The following PTER variants were observed in gnomAD, a reference collection of about 807,000 sequenced individuals.
PTER encodes phosphotriesterase related.
A neutral mutation model predicts 29.6 loss-of-function variants in PTER; 38 were observed. That is an observed-to-expected ratio of 1.28 (90% confidence interval 0.99 to 1.68). The LOEUF (loss-of-function observed/expected upper bound fraction) is 1.68. Among genes scored for constraint, PTER ranks in the 40% most tolerant of loss-of-function variants. PTER has a pLI of 0.00. For missense variants in PTER, 482 were observed against 427.8 expected (o/e 1.13, Z -1.12); for synonymous variants, 172 against 154.5 (o/e 1.11, Z -0.84).
At chr10:16,509,846 G>T (rs947495221) in intron 4 of PTER, among the ~76,000 whole-genome samples, 1 of 152,114 alleles carries the variant, frequency 6.6e-6, no homozygotes. Flanking sequence ...CCTTTGACCT[G>T]CAGATACAAA....
chr10:16,497,276 A>G (rs1836148814), intron 3 of PTER, among the ~76,000 whole-genome samples: 1 of 152,190 alleles, frequency 6.6e-6, no homozygotes, highest in Admixed American at 6.5e-5. Context: ...ATTTGTCTAA[A>G]TGGTGTCCTT....
At chr10:16,439,349 GA>G (rs1222900950) in intron 1 of PTER, among the ~76,000 whole-genome samples, 4 of 151,824 alleles carry the variant, frequency 2.6e-5, no homozygotes, top group East Asian at 3.9e-4. Flanking sequence ...AAGCATTTCT[GA>G]AAAAAAATGC....
At position 16,508,524 on chromosome 10, in the gene PTER, C is replaced by T. The variant is rs367647045; in HGVS notation, c.840-2522C>T. On this transcript the variant is annotated intron_variant, in intron 4 of 4. Transcript: ENST00000535784. ...CTTCTAGAACAAGAGAAAGAAGATC[C>T]GTAAAGGGGCATCTGTGAAGGAGAT... 8.5e-5 allele frequency among the ~76,000 whole-genome samples: 13 copies of T among 152,100 alleles called. No individual in the cohort carries two copies. The South Asian group carries it at 2.3e-3, about 27-fold the overall frequency.
intron 1 of PTER, among the ~76,000 whole-genome samples, chr10:16,467,477 A>C (rs1205032915): frequency 1.3e-5 from 2 of 152,206 alleles, no homozygotes; most frequent in African/African-American, 4.8e-5. Flanking sequence ...TAAAAAGGCT[A>C]TGTATTCCTA....
chr10:16,453,377 T>C (rs1429353669), intron 1 of PTER, among the ~76,000 whole-genome samples: 4 of 152,180 alleles, frequency 2.6e-5, no homozygotes, highest in Non-Finnish European at 4.4e-5. Flanking sequence ...TATACATATA[T>C]ATAATACATA....
chr10:16,503,452 T>G (rs776512701), intron 3 of PTER, among the ~76,000 whole-genome samples: 1 of 152,148 alleles, frequency 6.6e-6, no homozygotes, highest in East Asian at 1.9e-4. Flanking sequence ...TTGCCCAGGC[T>G]GGAGTGCAAT....
chr10:16,475,028 A>G (rs1835208584), intron 1 of PTER, among the ~76,000 whole-genome samples: 1 of 152,104 alleles, frequency 6.6e-6, no homozygotes, highest in Non-Finnish European at 1.5e-5. Context: ...CACATGGTGG[A>G]AGGAAGGAGG....
intron 4 of PTER, among the ~76,000 whole-genome samples, chr10:16,509,846 G>A (rs947495221): frequency 1.3e-5 from 2 of 152,114 alleles, no homozygotes; most frequent in African/African-American, 4.8e-5. Flanking sequence ...CCTTTGACCT[G>A]CAGATACAAA....
chr10:16,489,159 C>G (rs1396041758), intron 3 of PTER, among the ~76,000 whole-genome samples: 1 of 152,166 alleles, frequency 6.6e-6, no homozygotes, highest in Non-Finnish European at 1.5e-5. Flanking sequence ...GTTTGATCTT[C>G]CTATTTACTA....
At chr10:16,480,027 C>T (rs924294882) in intron 1 of PTER, among the ~76,000 whole-genome samples, 5 of 134,034 alleles carry the variant, frequency 3.7e-5, no homozygotes, top group Admixed American at 7.3e-5. Context: ...AATGTAATCA[C>T]GGTCATGGCA....
Position 16,511,334 on chromosome 10 carries a change from A to G in PTER, c.*78A>G. On this transcript the variant is annotated 3_prime_UTR_variant, in exon 5 of 5. Coordinates refer to ENST00000535784, the MANE Select transcript of PTER (RefSeq NM_001261836.2). ...AGCGATTTCCAGTCCACTGTGAGAT[A>G]TTAATCAGTTACCTAGGACTAATGA... The G allele has an allele frequency of 5.4e-6, 7 of 1,299,450 alleles. No individual in the cohort carries two copies. Among genetic ancestry groups the G allele is most frequent in the Non-Finnish European group, 7.7e-6 (7 of 904,610 alleles). The allele number at this position is 1,299,450 out of a possible 1,614,324, so 80.5% of individuals were successfully genotyped here. A position where few individuals can be genotyped will look rare whatever the true frequency, so the allele number is the denominator to read the frequency against.
At chr10:16,496,209 T>A (rs1428746983) in intron 3 of PTER, among the ~76,000 whole-genome samples, 1 of 152,216 alleles carries the variant, frequency 6.6e-6, no homozygotes, top group Non-Finnish European at 1.5e-5. Context: ...CTCCCTTAGT[T>A]TTGGTCCCAG....
At chr10:16,455,056 C>A (rs572248739) in intron 1 of PTER, among the ~76,000 whole-genome samples, 2 of 150,562 alleles carry the variant, frequency 1.3e-5, no homozygotes, top group Non-Finnish European at 3.0e-5. Context: ...TGGTGAAACC[C>A]TGTCTCTACA....
At chr10:16,509,512 T>C (rs1836728334) in intron 4 of PTER, among the ~76,000 whole-genome samples, 2 of 152,180 alleles carry the variant, frequency 1.3e-5, no homozygotes, top group Non-Finnish European at 2.9e-5. Context: ...TAGGCAAAAA[T>C]TTTGGAAAAT....
Position 16,486,421 on chromosome 10 carries a change from G to T in PTER, c.502G>T (p.Gly168Ter). 1 of 1,613,928 alleles carries T rather than the reference G, an allele frequency of 6.2e-7. No homozygotes were observed. The highest frequency in any genetic ancestry group is 8.5e-7 in the Non-Finnish European group (1 of 1,179,938). Residue 168 changes from glycine (G) to a stop codon, truncating the protein, a stop_gained, in exon 3 of 5, where the codon GGA becomes TGA. Coordinates refer to ENST00000535784, the MANE Select transcript of PTER (RefSeq NM_001261836.2). LOFTEE classifies it high-confidence loss of function. ...AACCAGTATCAAGTGTGGCATTATT[G>T]GAGAAATTGGTTGCTCCTGGCCTTT... is the stretch of plus-strand genomic sequence containing the variant. Reference protein sequence around the residue: ...DGTSIKCGIIGEIGCSWPLTE... With the variant: ...DGTSIKCGII
intron 1 of PTER, among the ~76,000 whole-genome samples, chr10:16,466,125 C>T (rs989071216): frequency 1.1e-4 from 16 of 151,980 alleles, no homozygotes; most frequent in South Asian, 2.1e-4. Context: ...AGTTAGTTAT[C>T]AAAACAAAAT....
intron 1 of PTER, among the ~76,000 whole-genome samples, chr10:16,437,831 T>A (rs1457049265): frequency 6.6e-6 from 1 of 152,114 alleles, no homozygotes; most frequent in African/African-American, 2.4e-5. Context: ...CCACAGCCAG[T>A]GTGCTGTTAC....
At chr10:16,458,565 G>A (rs768616944) in intron 1 of PTER, among the ~76,000 whole-genome samples, 21 of 152,184 alleles carry the variant, frequency 1.4e-4, no homozygotes, top group Non-Finnish European at 2.2e-4. Flanking sequence ...TCATATTTCC[G>A]TTAAATTGTA....
chr10:16,505,646 A>G (rs774155875), intron 4 of PTER, among the ~76,000 whole-genome samples: 7 of 152,224 alleles, frequency 4.6e-5, no homozygotes, highest in African/African-American at 7.2e-5. Context: ...AATGAATGCA[A>G]CCTTCCAAAA....
Sources: gnomAD v4.1 joint callset for allele counts (sites outside exome capture counted in the v4.1 genomes callset) on GRCh38, gnomAD v4.1.1 for gene constraint, MANE v1.5 for transcripts, NCBI Gene and HGNC (gene_info 2026-07-23, HGNC 2026-07-21) for gene names.